The following ATP9B variants were observed in gnomAD, a reference collection of about 807,000 sequenced individuals.
ATP9B encodes ATPase phospholipid transporting 9B.
Under a neutral mutation model 146.1 loss-of-function variants are expected in ATP9B, and 110 were observed. That is an observed-to-expected ratio of 0.75 (90% CI 0.65 to 0.88). ATP9B has a LOEUF of 0.88. Among genes scored for constraint, ATP9B ranks in the 40% least tolerant of loss-of-function variants. The pLI, the probability that ATP9B is intolerant of heterozygous loss-of-function variation, is 0.00. For missense variants in ATP9B, 1,499 were observed against 1,496.4 expected (o/e 1.00, Z -0.03); for synonymous variants, 604 against 569.7 (o/e 1.06, Z -0.86).
intron 5 of ATP9B, among the ~76,000 whole-genome samples, chr18:79,127,047 G>C (rs920358523): frequency 6.6e-6 from 1 of 151,998 alleles, no homozygotes; most frequent in Non-Finnish European, 1.5e-5. Context: ...AAACTGAATG[G>C]GTATTCATAG....
chr18:79,256,433 G>A (rs908531361), intron 12 of ATP9B, among the ~76,000 whole-genome samples: 15 of 150,660 alleles, frequency 1.0e-4, no homozygotes, highest in African/African-American at 3.2e-4. Flanking sequence ...TACACTTACT[G>A]TGATTAATAC....
chr18:79,070,231 A>G (rs1171913094), intron 1 of ATP9B, among the ~76,000 whole-genome samples: 1 of 152,246 alleles, frequency 6.6e-6, no homozygotes, highest in Non-Finnish European at 1.5e-5. Context: ...ATAGTTTTTG[A>G]AGTTTTATTC....
At position 79,298,134 on chromosome 18, in the gene ATP9B, G is replaced by A. The variant is rs2096565897; in HGVS notation, c.1412-5470G>A. 1.4e-5 allele frequency among the ~76,000 whole-genome samples: 2 copies of A among 146,810 alleles called. 1 individual carries two copies. The highest frequency in any genetic ancestry group is 5.0e-5 in the African/African-American group (2 of 39,922). On this transcript the variant is annotated intron_variant, in intron 13 of 29. Transcript: ENST00000426216. ...GTAAGAAAGGGGAATGCAAGGTATG[G>A]ATATCAGAAAGGAAGAAATCGAGTT...
At chr18:79,074,552 G>T (rs1036702507) in intron 1 of ATP9B, among the ~76,000 whole-genome samples, 5 of 152,256 alleles carry the variant, frequency 3.3e-5, no homozygotes, top group Admixed American at 3.3e-4. Context: ...CCAGTCTCGG[G>T]CATGAGGGGC....
In ATP9B at chr18:79,096,537, G is replaced by C. The variant is rs368760695; in HGVS notation, c.181G>C (p.Gly61Arg). The change falls in exon 2 of 30, where the codon GGC becomes CGC. Residue 61 changes from glycine to arginine, a missense_variant. Coordinates refer to ENST00000426216, the MANE Select transcript of ATP9B (RefSeq NM_198531.5). ...AATGCCACTAATGATGTCTGAAGAA[G>C]GCTTTGAGAATGAGGAAAGTGATTA... Reference protein sequence around the residue: ...DEMPLMMSEEGFENEESDYHT... With the variant: ...DEMPLMMSEERFENEESDYHT... 179 of 1,613,918 alleles carry C rather than the reference G, an allele frequency of 1.1e-4. No individual in the cohort carries two copies. The highest frequency in any genetic ancestry group is 1.4e-4 in the Non-Finnish European group (169 of 1,179,968).
At chr18:79,178,957 A>C (rs2095216778) in intron 8 of ATP9B, among the ~76,000 whole-genome samples, 1 of 152,166 alleles carries the variant, frequency 6.6e-6, no homozygotes, top group African/African-American at 2.4e-5. Flanking sequence ...TTAAATGTTG[A>C]ACAAATTCAC....
chr18:79,336,681 G>C lies in ATP9B; in HGVS notation c.2082G>C (p.Ala694=). 3 of 1,613,822 alleles carry C rather than the reference G, an allele frequency of 1.9e-6. No individual in the cohort carries two copies. ...GGACCCTCGTGGTTGCAAAGAAGGC[G>C]TTGACAGAGGAGCAGTACCAGGACT... The part of the protein sequence containing the change: ...GLRTLVVAKK[A]LTEEQYQDFE... Residue 694 remains alanine (A), a synonymous_variant, in exon 18 of 30, where the codon GCG becomes GCC. Transcript: ENST00000426216.
At chr18:79,098,674 A>G (rs1441620889) in intron 2 of ATP9B, among the ~76,000 whole-genome samples, 1 of 152,244 alleles carries the variant, frequency 6.6e-6, no homozygotes, top group Non-Finnish European at 1.5e-5. Flanking sequence ...TATCAAATTC[A>G]GGAAATTTAA....
rs1476415280 is a variant in ATP9B, at chr18:79,237,621, ATTGT to A, written c.1108-15758_1108-15755del. On this transcript the variant is annotated intron_variant, in intron 11 of 29. Transcript: ENST00000426216. ...CTTTATTTTTCAATAATGTCTTATG[ATTGT>A]TCTCTGTAGAGGTTGGTATACCTTT... is the stretch of plus-strand genomic sequence containing the variant. Among the ~76,000 whole-genome samples, 7 of 142,454 alleles carry A rather than the reference ATTGT, an allele frequency of 4.9e-5. No individual in the cohort carries two copies. The South Asian group carries it at 1.3e-3, about 27-fold the overall frequency. The allele number at this position is 142,454 out of a possible 152,430, so 93.5% of individuals were successfully genotyped here. A position where few individuals can be genotyped will look rare whatever the true frequency, so the allele number is the denominator to read the frequency against.
chr18:79,188,926 A>G (rs56894683), intron 8 of ATP9B, among the ~76,000 whole-genome samples: 31,841 of 151,068 alleles, frequency 0.21, 3,735 homozygotes, highest in East Asian at 0.5. Flanking sequence ...TCTGTTAACT[A>G]AAATATGCCT....
At chr18:79,075,261 C>T (rs571553938) in intron 1 of ATP9B, among the ~76,000 whole-genome samples, 1 of 152,304 alleles carries the variant, frequency 6.6e-6, no homozygotes, top group South Asian at 2.1e-4. Context: ...AAGCCATCCT[C>T]CTGCTTTAGC....
intron 7 of ATP9B, among the ~76,000 whole-genome samples, chr18:79,160,002 A>T (rs2094853345): frequency 1.3e-5 from 2 of 151,946 alleles, no homozygotes; most frequent in Non-Finnish European, 2.9e-5. Context: ...CCTTTAATCC[A>T]TTTCTATTTA....
intron 1 of ATP9B, among the ~76,000 whole-genome samples, chr18:79,094,767 T>G (rs1415777466): frequency 6.6e-6 from 1 of 152,192 alleles, no homozygotes; most frequent in Non-Finnish European, 1.5e-5. Flanking sequence ...CTGTTTTAGA[T>G]ACCTGGAGCT....
At chr18:79,356,647 G>GTTCCATTTGCATAGCA (rs1000271501) in intron 25 of ATP9B, among the ~76,000 whole-genome samples, 24 of 152,378 alleles carry the variant, frequency 1.6e-4, no homozygotes, top group South Asian at 4.1e-4. Flanking sequence ...CTGCTGTACA[G>GTTCCATTTGCATAGCA]TTCCATTTGC....
intron 15 of ATP9B, 146 bp from the exon 16 acceptor site, chr18:79,328,994 TA>T (rs2096775856): frequency 1.4e-6 from 1 of 702,058 alleles, no homozygotes. Flanking sequence ...CGTATATACT[TA>T]GCCGTGAAAA....
chr18:79,193,087 A>G, intron 8 of ATP9B, 96 bp from the exon 9 acceptor site: 1 of 867,974 alleles, frequency 1.2e-6, no homozygotes, highest in African/African-American at 1.7e-5. Context: ...CTTTTGGTAA[A>G]TAATATATGA....
chr18:79,108,444 A>G (rs1196523975), intron 2 of ATP9B, among the ~76,000 whole-genome samples: 2 of 152,204 alleles, frequency 1.3e-5, no homozygotes, highest in Non-Finnish European at 2.9e-5. Flanking sequence ...TCACTTTAAT[A>G]CCACCCTGAT....
chr18:79,180,734 T>C (rs1335309074), intron 8 of ATP9B, among the ~76,000 whole-genome samples: 2 of 152,166 alleles, frequency 1.3e-5, no homozygotes, highest in Non-Finnish European at 2.9e-5. Context: ...TGTAGTGAAA[T>C]CTGCTAGAGA....
intron 11 of ATP9B, among the ~76,000 whole-genome samples, chr18:79,245,677 G>A (rs113354561): frequency 5.6e-4 from 83 of 147,788 alleles, no homozygotes; most frequent in Middle Eastern, 3.8e-3. Context: ...GTGACTGTGC[G>A]GAGGGCACCG....
Sources: gnomAD v4.1 joint callset for allele counts (sites outside exome capture counted in the v4.1 genomes callset) on GRCh38, gnomAD v4.1.1 for gene constraint, MANE v1.5 for transcripts, NCBI Gene and HGNC (gene_info 2026-07-23, HGNC 2026-07-21) for gene names.